Variants in GRIN2A observed in about 807,000 individuals in gnomAD.
GRIN2A encodes the protein glutamate receptor ionotropic, NMDA 2A.
GRIN2A carries 22 observed loss-of-function variants against 113.4 expected under a neutral mutation model. The ratio of observed to expected loss-of-function variants is 0.19; its 90% CI spans 0.14 to 0.28. The LOEUF (loss-of-function observed/expected upper bound fraction) is 0.28, where lower values mean the gene tolerates loss of function less well. GRIN2A is among the 10% of genes least tolerant of loss of function. The pLI is 1.00. For synonymous variants in GRIN2A, 827 were observed against 738.4 expected (o/e 1.12, Z -1.94); for missense variants, 1,502 against 1,887.0 (o/e 0.80, Z 3.78).
chr16:10,098,523 A>T (rs554233939), intron 2 of GRIN2A, among the ~76,000 whole-genome samples: 1 of 152,228 alleles, frequency 6.6e-6, no homozygotes, highest in African/African-American at 2.4e-5. Context: ...CAGCAGCACA[A>T]TTCACAAATG....
chr16:10,004,321 A>G (rs1238044356), intron 2 of GRIN2A, among the ~76,000 whole-genome samples: 1 of 151,144 alleles, frequency 6.6e-6, no homozygotes, highest in African/African-American at 2.4e-5. Context: ...CCCGGGAGGC[A>G]GAGGTTACAG....
chr16:10,173,144 GATCGC>G (rs749326545), intron 2 of GRIN2A, among the ~76,000 whole-genome samples: 307 of 152,326 alleles, frequency 2.0e-3, no homozygotes, highest in Middle Eastern at 3.4e-3. Context: ...AGGTGTTGAT[GATCGC>G]ATCTGACATG....
rs76676894 is a variant in GRIN2A at position 10,149,023 on chromosome 16, G to T, written c.414+30975C>A. On this transcript the variant is annotated intron_variant, in intron 2 of 12. Transcript: ENST00000330684. ...TCTGTGGGAGCTAAAAATGAAAACA[G>T]TTGAACCCACAGACAGAGAGAGTAG... Among the ~76,000 whole-genome samples the T allele has an allele frequency of 1.1e-3, 168 of 152,312 alleles. No individual in the cohort carries two copies. In the East Asian group the frequency reaches 0.017, roughly 15 times the overall value.
intron 3 of GRIN2A, among the ~76,000 whole-genome samples, chr16:9,919,127 C>T (rs1163244853): frequency 1.3e-5 from 2 of 152,138 alleles, no homozygotes; most frequent in Non-Finnish European, 2.9e-5. Flanking sequence ...GAGCCTGGAT[C>T]ACGCCCCTGC....
chr16:10,067,984 G>A (rs28581562), intron 2 of GRIN2A, among the ~76,000 whole-genome samples: 14,643 of 152,266 alleles, frequency 0.096, 784 homozygotes, highest in African/African-American at 0.11. Context: ...TGTGGAACTT[G>A]GGCAGGTTAA....
chr16:10,173,772 A>C (rs1178586990), intron 2 of GRIN2A, among the ~76,000 whole-genome samples: 1 of 152,236 alleles, frequency 6.6e-6, no homozygotes, highest in East Asian at 1.9e-4. Flanking sequence ...AGCCATTGAA[A>C]ATCAAGTTTA....
intron 2 of GRIN2A, among the ~76,000 whole-genome samples, chr16:10,151,607 G>C (rs1208483857): frequency 6.6e-6 from 1 of 152,158 alleles, no homozygotes; most frequent in African/African-American, 2.4e-5. Context: ...ACCAACATCA[G>C]ATTCAATTTT....
chr16:10,129,053 T>G (rs1273745963), intron 2 of GRIN2A, among the ~76,000 whole-genome samples: 1 of 150,266 alleles, frequency 6.7e-6, no homozygotes, highest in Non-Finnish European at 1.5e-5. Context: ...GTGCATCACT[T>G]TTTTTTTTAA....
At chr16:10,014,831 T>A (rs189799828) in intron 2 of GRIN2A, among the ~76,000 whole-genome samples, 8 of 152,302 alleles carry the variant, frequency 5.3e-5, no homozygotes, top group African/African-American at 1.9e-4. Flanking sequence ...ATATGGACTT[T>A]ATCAACAAGT....
At chr16:9,949,280 A>G (rs1468255234) in intron 2 of GRIN2A, among the ~76,000 whole-genome samples, 1 of 152,220 alleles carries the variant, frequency 6.6e-6, no homozygotes, top group Non-Finnish European at 1.5e-5. Flanking sequence ...ACATTCAGTG[A>G]AGGTATAAGT....
chr16:9,931,334 A>C lies in GRIN2A; in HGVS notation c.1007+6625T>G, dbSNP rs142630142. On this transcript the variant is annotated intron_variant, in intron 3 of 12. Coordinates refer to ENST00000330684, the MANE Select transcript of GRIN2A (RefSeq NM_001134407.3). ...AATGATGATGATGACCACAATAATA[A>C]GAAAAATAAAATTATAATAATGACC... Among the ~76,000 whole-genome samples, 167 of 152,324 alleles carry C rather than the reference A, an allele frequency of 1.1e-3. No homozygotes were observed. In the Middle Eastern group the frequency reaches 0.014, roughly 12 times the overall value.
At chr16:9,941,678 A>G (rs1010729455) in intron 2 of GRIN2A, among the ~76,000 whole-genome samples, 3 of 152,176 alleles carry the variant, frequency 2.0e-5, no homozygotes, top group South Asian at 2.1e-4. Flanking sequence ...TGGGGGGGAA[A>G]AAAAACACTC....
At chr16:9,893,859 G>C (rs1376417818) in intron 3 of GRIN2A, among the ~76,000 whole-genome samples, 1 of 152,144 alleles carries the variant, frequency 6.6e-6, no homozygotes, top group Non-Finnish European at 1.5e-5. Flanking sequence ...CTGGTATATA[G>C]GTCAGGGCTT....
chr16:9,780,938 T>G (rs1434225112), intron 11 of GRIN2A, among the ~76,000 whole-genome samples: 1 of 152,054 alleles, frequency 6.6e-6, no homozygotes, highest in East Asian at 1.9e-4. Context: ...TTCCAATTGT[T>G]GGAATTGTTT....
intron 4 of GRIN2A, among the ~76,000 whole-genome samples, chr16:9,880,787 G>A (rs539126664): frequency 3.1e-4 from 47 of 152,022 alleles, no homozygotes; most frequent in Admixed American, 7.2e-4. Context: ...GCTTATTCTC[G>A]TGAGACCTTG....
chr16:10,010,689 A>G (rs2046488888), intron 2 of GRIN2A, among the ~76,000 whole-genome samples: 1 of 152,182 alleles, frequency 6.6e-6, no homozygotes, highest in Admixed American at 6.5e-5. Flanking sequence ...ACTAGGACTC[A>G]GCTCAGAGAG....
At chr16:9,968,057 C>T (rs566567839) in intron 2 of GRIN2A, among the ~76,000 whole-genome samples, 223 of 152,262 alleles carry the variant, frequency 1.5e-3, no homozygotes, top group Admixed American at 5.5e-3. Context: ...CTCCAGACAA[C>T]CCAGTGGGTA....
chr16:10,148,502 C>G (rs912827043), intron 2 of GRIN2A, among the ~76,000 whole-genome samples: 1 of 152,200 alleles, frequency 6.6e-6, no homozygotes, highest in Non-Finnish European at 1.5e-5. Flanking sequence ...CTCTCCTGAG[C>G]TCCGTGTTCA....
intron 2 of GRIN2A, among the ~76,000 whole-genome samples, chr16:9,997,469 C>A (rs2046246389): frequency 6.6e-6 from 1 of 152,104 alleles, no homozygotes; most frequent in African/African-American, 2.4e-5. Context: ...CAATTTGATT[C>A]ATTTATATAC....
Sources: allele counts gnomAD v4.1 joint callset (sites outside exome capture counted in the v4.1 genomes callset), GRCh38; gene constraint gnomAD v4.1.1; transcripts MANE v1.5; gene names NCBI Gene and HGNC (gene_info 2026-07-23, HGNC 2026-07-21).